KANK1: variants seen among roughly 807,000 people sequenced by gnomAD.
KANK1 encodes the protein KN motif and ankyrin repeat domains 1.
A neutral mutation model predicts 106.2 loss-of-function variants in KANK1; 109 were observed. The ratio of observed to expected loss-of-function variants is 1.03; its 90% CI spans 0.88 to 1.20. KANK1 has a LOEUF of 1.20. Among genes scored for constraint, KANK1 ranks in the 50% most tolerant of loss-of-function variants. The pLI is 0.00. For synonymous variants in KANK1, 873 were observed against 652.2 expected (o/e 1.34, Z -5.16); for missense variants, 2,399 against 1,710.7 (o/e 1.40, Z -7.10).
rs36072780 is a variant in KANK1 at position 528,469 on chromosome 9, C to CTTTTTT, written c.-84+23740_-84+23745dup. ...ACCATTTTACTGAATTAAAAAATAACTTTTTTTTTTTTTTTTTTTTTTTTT... is the reference window on the plus strand; with the variant it reads ...ACCATTTTACTGAATTAAAAAATAACTTTTTTTTTTTTTTTTTTTTTTTTTTTTTTT... On this transcript the variant is annotated intron_variant, in intron 1 of 11. Coordinates refer to ENST00000382297, the MANE Select transcript of KANK1 (RefSeq NM_015158.5). 4.9e-4 allele frequency among the ~76,000 whole-genome samples: 42 copies of CTTTTTT among 85,132 alleles called. 5 individuals carry two copies. Among genetic ancestry groups the CTTTTTT allele is most frequent in the Non-Finnish European group, 6.8e-4 (28 of 41,368 alleles). 55.8% of individuals were successfully genotyped at this position (85,132 alleles called of 152,430 possible).
chr9:512,239 G>A (rs2059062664), intron 1 of KANK1, among the ~76,000 whole-genome samples: 1 of 144,278 alleles, frequency 6.9e-6, no homozygotes, highest in African/African-American at 2.9e-5. Context: ...TAGTGTGTGT[G>A]TGTGTGTGTG....
At position 574,936 on chromosome 9, in the gene KANK1, G is replaced by C. The variant is rs189183240; in HGVS notation, c.-84+70182G>C. ...TTAAGTTGAAACCTGTGTTTGCCTTGTCTTTATGCCCACAGGGGAACTTGA... is the reference window on the plus strand; with the variant it reads ...TTAAGTTGAAACCTGTGTTTGCCTTCTCTTTATGCCCACAGGGGAACTTGA... On this transcript the variant is annotated intron_variant, in intron 1 of 11. Transcript: ENST00000382297. Among the ~76,000 whole-genome samples, 7 of 150,272 alleles carry C rather than the reference G, an allele frequency of 4.7e-5. No homozygotes were observed. In the East Asian group the frequency reaches 1.4e-3, roughly 29 times the overall value.
At chr9:641,040 A>T (rs9407328) in intron 1 of KANK1, among the ~76,000 whole-genome samples, 29,459 of 151,998 alleles carry the variant, frequency 0.19, 3,104 homozygotes, top group East Asian at 0.33. Flanking sequence ...TAAAAGAGAG[A>T]GCTAAATTTT....
At chr9:477,917 A>C (rs1292755587) in intron 3 of KANK1, 1 of 154,352 alleles carries the variant, frequency 6.5e-6, no homozygotes, top group Non-Finnish European at 1.4e-5. Flanking sequence ...CCTGGTGGAA[A>C]ACTGGGTACC....
chr9:710,908 T>C lies in KANK1; in HGVS notation c.142T>C (p.Tyr48His), dbSNP rs757302734. ...GYQLDLDFLK[Y>H]VDDIQKGNTI... ...TCAACTAGACTTAGATTTCCTCAAATATGTGGATGACATACAGAAGGGAAA... is the reference window on the plus strand; with the variant it reads ...TCAACTAGACTTAGATTTCCTCAAACATGTGGATGACATACAGAAGGGAAA... The change falls in exon 3 of 12, where the codon TAT becomes CAT. Residue 48 changes from tyrosine (Y) to histidine (H), a missense_variant. Tyr to His is a moderately conservative substitution (Grantham distance 83). Coordinates refer to ENST00000382297, the MANE Select transcript of KANK1 (RefSeq NM_015158.5). 6.2e-6 allele frequency: 10 copies of C among 1,614,020 alleles called. No homozygotes were observed. In the East Asian group the frequency reaches 2.0e-4, roughly 32 times the overall value.
intron 1 of KANK1, among the ~76,000 whole-genome samples, chr9:610,618 C>G (rs1830337761): frequency 6.6e-6 from 1 of 152,190 alleles, no homozygotes; most frequent in Non-Finnish European, 1.5e-5. Context: ...CTGATCAAGA[C>G]ATGGCTACAA....
intron 1 of KANK1, chr9:559,034 A>T (rs954293289): frequency 1.3e-5 from 2 of 152,238 alleles, no homozygotes; most frequent in African/African-American, 4.8e-5. Context: ...GCAAATGTGG[A>T]ATCCGTGAAT....
intron 1 of KANK1, among the ~76,000 whole-genome samples, chr9:607,732 C>T (rs370242581): frequency 2.0e-5 from 3 of 151,590 alleles, no homozygotes; most frequent in Non-Finnish European, 4.4e-5. Context: ...TCTGTAGTTT[C>T]TTCCCATTTC....
At chr9:649,540 T>C (rs1280949694) in intron 1 of KANK1, among the ~76,000 whole-genome samples, 2 of 152,192 alleles carry the variant, frequency 1.3e-5, no homozygotes, top group Non-Finnish European at 2.9e-5. Flanking sequence ...TGTAAGTAAG[T>C]AGTGCCTGAT....
chr9:605,191 C>T (rs1330068546), intron 1 of KANK1, among the ~76,000 whole-genome samples: 1 of 150,232 alleles, frequency 6.7e-6, no homozygotes, highest in African/African-American at 2.5e-5. Context: ...ATCCCAGCTA[C>T]TTAGGAGACT....
At chr9:725,945 A>G (rs576827855) in intron 3 of KANK1, among the ~76,000 whole-genome samples, 2 of 152,348 alleles carry the variant, frequency 1.3e-5, no homozygotes, top group East Asian at 3.9e-4. Flanking sequence ...TTAGTAATTT[A>G]TAAAGTATAA....
rs1266737614 is a variant in KANK1 at position 730,260 on chromosome 9, C to T, written c.2896+12C>T. 1.2e-6 allele frequency: 2 copies of T among 1,613,432 alleles called. No individual in the cohort carries two copies. Among genetic ancestry groups the T allele is most frequent in the Admixed American group, 1.7e-5 (1 of 60,026 alleles). On this transcript the variant is annotated intron_variant, in intron 4 of 11. Coordinates refer to ENST00000382297, the MANE Select transcript of KANK1 (RefSeq NM_015158.5). ...CGCTGGCCTCTATGGTAACTTTTCT[C>T]ACTCACAGTCATTGGCATCAGGATT...
At chr9:562,393 C>T (rs545542764) in intron 1 of KANK1, among the ~76,000 whole-genome samples, 1 of 152,332 alleles carries the variant, frequency 6.6e-6, no homozygotes, top group Non-Finnish European at 1.5e-5. Context: ...AGCTGGGTAA[C>T]AACTGCTTCT....
chr9:472,975 T>C (rs2058046721), intron 2 of KANK1, among the ~76,000 whole-genome samples: 1 of 152,252 alleles, frequency 6.6e-6, no homozygotes, highest in South Asian at 2.1e-4. Flanking sequence ...ACGGTTGTTA[T>C]TCAAGTAAAG....
upstream of KANK1, among the ~76,000 whole-genome samples, chr9:504,502 G>T (rs933262680): frequency 6.6e-6 from 1 of 151,650 alleles, no homozygotes; most frequent in South Asian, 2.1e-4. Context: ...GGGAGCAGCC[G>T]GGGCTTCGCC....
At chr9:686,976 G>A (rs2139296681) in intron 2 of KANK1, 2 of 974,126 alleles carry the variant, frequency 2.1e-6, no homozygotes, top group South Asian at 9.5e-5. Flanking sequence ...CCTTTGGTAT[G>A]TTGTCCCTGG....
chr9:712,410 C>CATCTCCTGCCAGCCT lies in KANK1; in HGVS notation c.1645_1659dup (p.Ile549_Pro553dup). The CATCTCCTGCCAGCCT allele has an allele frequency of 6.2e-7, 1 of 1,614,128 alleles. No homozygotes were observed. Among genetic ancestry groups the CATCTCCTGCCAGCCT allele is most frequent in the Non-Finnish European group, 8.5e-7 (1 of 1,180,032 alleles). Reference sequence around the variant, plus strand: ...CCTCCGTGGAAACAAACAGTGTAGGCATCTCCTGCCAGCCTGAATGTAAGA... The same window carrying CATCTCCTGCCAGCCT: ...CCTCCGTGGAAACAAACAGTGTAGGCATCTCCTGCCAGCCTATCTCCTGCCAGCCTGAATGTAAGA... On this transcript the variant is annotated inframe_insertion, in exon 3 of 12. Coordinates refer to ENST00000382297, the MANE Select transcript of KANK1 (RefSeq NM_015158.5).
At chr9:617,589 G>C (rs930138398) in intron 1 of KANK1, among the ~76,000 whole-genome samples, 2 of 152,146 alleles carry the variant, frequency 1.3e-5, no homozygotes, top group South Asian at 4.1e-4. Flanking sequence ...GTGATCAAGA[G>C]CCAGCTGCTC....
At chr9:609,272 A>G (rs1005820310) in intron 1 of KANK1, among the ~76,000 whole-genome samples, 2 of 152,200 alleles carry the variant, frequency 1.3e-5, no homozygotes, top group Non-Finnish European at 2.9e-5. Context: ...AATTAAATAG[A>G]TTTGCTTAAC....
Sources: gnomAD v4.1 joint callset for allele counts (sites outside exome capture counted in the v4.1 genomes callset) on GRCh38, gnomAD v4.1.1 for gene constraint, MANE v1.5 for transcripts, NCBI Gene and HGNC (gene_info 2026-07-23, HGNC 2026-07-21) for gene names.